The following CPZ variants were observed in gnomAD, a reference collection of about 807,000 sequenced individuals.
CPZ encodes the protein VEZT/CPZ fusion.
In CPZ, 103 loss-of-function variants were observed where a neutral mutation model predicts 61.8. That is an observed-to-expected ratio of 1.67 (90% CI 1.42 to 1.96). The LOEUF (loss-of-function observed/expected upper bound fraction) is 1.96, where lower values mean the gene tolerates loss of function less well. Among genes scored for constraint, CPZ ranks in the 30% most tolerant of loss-of-function variants. The pLI is 0.00. For synonymous variants in CPZ, 551 were observed against 373.7 expected (o/e 1.47, Z -5.47); for missense variants, 1,461 against 914.9 (o/e 1.60, Z -7.70).
At chr4:8,608,220 GCTGGGCCTGCCCTCCAC>G (rs945678155) in intron 7 of CPZ, among the ~76,000 whole-genome samples, 1 of 149,782 alleles carries the variant, frequency 6.7e-6, no homozygotes, top group Admixed American at 6.7e-5. Context: ...TCCACCGGAG[GCTGGGCCTGCCCTCCAC>G]CTGGCCCCTT....
Position 8,601,151 on chromosome 4 carries a change from C to T in CPZ, c.150C>T (p.Thr50=). 1 of 1,592,054 alleles carries T rather than the reference C, an allele frequency of 6.3e-7. No homozygotes were observed. Among genetic ancestry groups the T allele is most frequent in the Non-Finnish European group, 8.6e-7 (1 of 1,165,286 alleles). The part of the protein sequence containing the change: ...SATCVDLQLR[T]CSDAAYNHTT... ...CCTGCGTGGACCTGCAGCTCAGGAC[C>T]TGCAGCGATGCCGCCTACAACCACA... Residue 50 remains threonine, a synonymous_variant, in exon 3 of 11, where the codon ACC becomes ACT. Transcript: ENST00000360986.
chr4:8,603,946 A>G, intron 3 of CPZ, 30 bp from the exon 4 acceptor site: 5 of 1,599,808 alleles, frequency 3.1e-6, no homozygotes, highest in Non-Finnish European at 4.3e-6. Flanking sequence ...GGGGCCTGAC[A>G]CTGACTGAGC....
At chr4:8,603,462 C>G (rs1714725734) in intron 3 of CPZ, 1 of 153,418 alleles carries the variant, frequency 6.5e-6, no homozygotes, top group Non-Finnish European at 1.4e-5. Flanking sequence ...CAGGCACTCA[C>G]TGTTGTACCG....
chr4:8,607,028 T>C, intron 6 of CPZ, 130 bp downstream of exon 6: 1 of 1,178,838 alleles, frequency 8.5e-7, no homozygotes, highest in Non-Finnish European at 1.2e-6. Flanking sequence ...CTCAGTTACC[T>C]GTCTGTGAAA....
intron 7 of CPZ, among the ~76,000 whole-genome samples, chr4:8,610,307 G>C (rs1049944182): frequency 6.6e-6 from 1 of 152,206 alleles, no homozygotes; most frequent in Non-Finnish European, 1.5e-5. Flanking sequence ...GCCCTCCCAG[G>C]TCAGGCCTGT....
intron 9 of CPZ, chr4:8,618,091 A>C: frequency 1.3e-5 from 4 of 314,082 alleles, no homozygotes; most frequent in East Asian, 1.6e-4. Flanking sequence ...GGGGCTGGGA[A>C]GGCAGGGAAG....
In CPZ at chr4:8,601,298, G is replaced by C; in HGVS notation, c.297G>C (p.Leu99=). 1.2e-6 allele frequency: 2 copies of C among 1,612,912 alleles called. No homozygotes were observed. Among genetic ancestry groups the C allele is most frequent in the South Asian group, 1.1e-5 (1 of 91,020 alleles). The change falls in exon 3 of 11, where the codon CTG becomes CTC. Residue 99 remains leucine, a synonymous_variant. Coordinates refer to ENST00000360986, the MANE Select transcript of CPZ (RefSeq NM_001014447.3). ...LEGQCNPDLR[L]LGCAVLAPRC... ...GCCAGTGCAACCCGGACCTGCGGCT[G>C]CTGGGCTGTGCTGTGCTGGCCCCCC...
intron 10 of CPZ, among the ~76,000 whole-genome samples, 168 bp from the exon 11 acceptor site, chr4:8,619,094 T>G (rs1169043990): frequency 6.6e-6 from 1 of 151,916 alleles, no homozygotes; most frequent in Non-Finnish European, 1.5e-5. Context: ...AAATAAGAGT[T>G]TGACAGAGAA....
chr4:8,599,379 C>A, intron 1 of CPZ, 74 bp from the exon 2 acceptor site: 1 of 1,505,722 alleles, frequency 6.6e-7, no homozygotes. Flanking sequence ...GCACTCAGGG[C>A]CCTGGCCGTG....
At chr4:8,610,036 C>T (rs1352846731) in intron 7 of CPZ, among the ~76,000 whole-genome samples, 1 of 152,214 alleles carries the variant, frequency 6.6e-6, no homozygotes, top group Non-Finnish European at 1.5e-5. Context: ...GAATCCTGCT[C>T]ATGCTGTGTC....
At chr4:8,605,396 TCATACATC>T (rs892418557) in intron 4 of CPZ, among the ~76,000 whole-genome samples, 4 of 149,500 alleles carry the variant, frequency 2.7e-5, no homozygotes, top group African/African-American at 1.0e-4. Context: ...ACCCATTCAT[TCATACATC>T]CATGCATCCA....
chr4:8,595,527 C>T (rs1024255570), intron 1 of CPZ, among the ~76,000 whole-genome samples: 3 of 152,188 alleles, frequency 2.0e-5, no homozygotes, highest in African/African-American at 4.8e-5. Context: ...CAGAGGCCTA[C>T]GGAGGCCAAG....
chr4:8,607,437 G>C lies in CPZ; in HGVS notation c.1227+12G>C, dbSNP rs902810031. 5 of 1,613,130 alleles carry C rather than the reference G, an allele frequency of 3.1e-6. No homozygotes were observed. The African/African-American group carries it at 6.7e-5, about 22-fold the overall frequency. On this transcript the variant is annotated intron_variant, in intron 7 of 10. Transcript: ENST00000360986. ...CGCCCGACGAGAAGGTGAGAGGGCT[G>C]TCGGGTGTGTGCAGGGGAGGGAGAC...
At chr4:8,604,390 C>T (rs1397089985) in intron 4 of CPZ, among the ~76,000 whole-genome samples, 3 of 152,226 alleles carry the variant, frequency 2.0e-5, no homozygotes, top group Non-Finnish European at 4.4e-5. Flanking sequence ...AGATATCCAT[C>T]TTACTTCAAA....
intron 7 of CPZ, among the ~76,000 whole-genome samples, chr4:8,607,834 G>A (rs1158549602): frequency 1.3e-5 from 2 of 152,154 alleles, no homozygotes; most frequent in Non-Finnish European, 2.9e-5. Flanking sequence ...CTGCCCGCCC[G>A]TCCTGCTTCC....
intron 9 of CPZ, among the ~76,000 whole-genome samples, chr4:8,614,751 C>G (rs2109343987): frequency 6.6e-6 from 1 of 152,262 alleles, no homozygotes; most frequent in East Asian, 1.9e-4. Context: ...GATGTTACAG[C>G]CTAAAGCAGC....
chr4:8,609,121 C>CACTCACTCATTT (rs1715345795), intron 7 of CPZ, among the ~76,000 whole-genome samples: 3 of 15,596 alleles, frequency 1.9e-4, no homozygotes, highest in African/African-American at 2.5e-4. Context: ...CTCACTCCCT[C>CACTCACTCATTT]ACTCATTCAC....
chr4:8,608,758 A>C (rs1003352704), intron 7 of CPZ, among the ~76,000 whole-genome samples: 10 of 151,402 alleles, frequency 6.6e-5, no homozygotes, highest in African/African-American at 2.2e-4. Context: ...AGGTCTCCAC[A>C]GGTGAGGTAG....
rs571251410 is a variant in CPZ, at chr4:8,603,956, C to A, written c.497-20C>A. 9 of 1,602,646 alleles carry A rather than the reference C, an allele frequency of 5.6e-6. No individual in the cohort carries two copies. Among genetic ancestry groups the A allele is most frequent in the Non-Finnish European group, 7.7e-6 (9 of 1,173,548 alleles). Reference sequence around the variant, plus strand: ...GCCTGGGGGCCTGACACTGACTGAGCCCCCCCACTGCTCCCCCAGGAGGCC... The same window carrying A: ...GCCTGGGGGCCTGACACTGACTGAGACCCCCCACTGCTCCCCCAGGAGGCC... On this transcript the variant is annotated intron_variant, in intron 3 of 10. Transcript: ENST00000360986.
Sources: gnomAD v4.1 joint callset for allele counts (sites outside exome capture counted in the v4.1 genomes callset) on GRCh38, gnomAD v4.1.1 for gene constraint, MANE v1.5 for transcripts, NCBI Gene and HGNC (gene_info 2026-07-23, HGNC 2026-07-21) for gene names.